The following ACP1 variants were observed in gnomAD, a reference collection of about 807,000 sequenced individuals.
ACP1 encodes the protein low molecular weight phosphotyrosine protein phosphatase.
A neutral mutation model predicts 23.4 loss-of-function variants in ACP1; 23 were observed. The observed-to-expected ratio is 0.98, with a 90% CI of 0.71 to 1.39. The LOEUF is 1.39. ACP1 is among the 40% of genes most tolerant of loss of function. The pLI is 0.00. For missense variants in ACP1, 180 were observed against 197.7 expected (o/e 0.91, Z 0.54); for synonymous variants, 72 against 67.2 (o/e 1.07, Z -0.35).
At chr2:277,126 A>G in intron 5 of ACP1, 41 bp downstream of exon 5, 4 of 1,567,774 alleles carry the variant, frequency 2.6e-6, no homozygotes, top group African/African-American at 1.3e-5. Flanking sequence ...TGAAGACCCA[A>G]CACATTTGTA....
chr2:277,045 A>G lies in ACP1; in HGVS notation c.359A>G (p.Tyr120Cys), dbSNP rs777249631. Reference protein sequence around the residue: ...CKAKIELLGSYDPQKQLIIED... With the variant: ...CKAKIELLGSCDPQKQLIIED... The stretch of plus-strand genomic sequence containing the variant: ...GCTAAAATTGAACTACTTGGGAGCT[A>G]TGATCCACAAAAACAACTTATTATT... The change falls in exon 5 of 6, where the codon TAT becomes TGT. Residue 120 changes from tyrosine (Y) to cysteine (C), a missense_variant. Physicochemically the swap from Tyr to Cys is radical, Grantham distance 194 (BLOSUM62 -2). Coordinates refer to ENST00000272065, the MANE Select transcript of ACP1 (RefSeq NM_004300.4). 1.1e-5 allele frequency: 17 copies of G among 1,613,386 alleles called. No individual in the cohort carries two copies. Among genetic ancestry groups the G allele is most frequent in the South Asian group, 2.2e-5 (2 of 91,000 alleles).
At chr2:269,918 G>A (rs914442619) in intron 1 of ACP1, among the ~76,000 whole-genome samples, 3 of 152,162 alleles carry the variant, frequency 2.0e-5, no homozygotes, top group Non-Finnish European at 2.9e-5. Context: ...CATCAAAACC[G>A]TTTCCCTGGG....
At chr2:265,876 G>A (rs1196611043) in intron 1 of ACP1, among the ~76,000 whole-genome samples, 1 of 152,170 alleles carries the variant, frequency 6.6e-6, no homozygotes, top group Non-Finnish European at 1.5e-5. Context: ...ACCTTTCGTT[G>A]TTCGGTAGCA....
chr2:272,142 GC>G lies in ACP1; in HGVS notation c.226del (p.Arg76GlyfsTer22). ...KRHGIPMSHV[A>X]RQITKEDFAT... The stretch of plus-strand genomic sequence containing the variant: ...GCACGGCATTCCCATGAGCCACGTT[GC>G]CCGGCAGGTACCGTCCTTGGACTTG... On this transcript the variant is annotated frameshift_variant, in exon 3 of 6. Coordinates refer to ENST00000272065, the MANE Select transcript of ACP1 (RefSeq NM_004300.4). LOFTEE classifies it high-confidence loss of function. 2 of 1,614,214 alleles carry G rather than the reference GC, an allele frequency of 1.2e-6. No individual in the cohort carries two copies.
At chr2:269,241 A>G in intron 1 of ACP1, 1 of 449,504 alleles carries the variant, frequency 2.2e-6, no homozygotes, top group South Asian at 1.7e-5. Flanking sequence ...TTCACAACAC[A>G]AATTAGCATA....
At chr2:276,955 C>G in intron 4 of ACP1, 25 bp from the exon 5 acceptor site, 2 of 1,455,084 alleles carry the variant, frequency 1.4e-6, no homozygotes, top group South Asian at 1.2e-5. Context: ...GATCAGAAAA[C>G]TAAGTTCATA....
At chr2:272,472 C>T in intron 3 of ACP1, 1 of 1,434,626 alleles carries the variant, frequency 7.0e-7, no homozygotes, top group Non-Finnish European at 9.1e-7. Flanking sequence ...TGTTGAAAGA[C>T]TTGCCTGACT....
At chr2:269,982 G>A (rs1320007895) in intron 1 of ACP1, among the ~76,000 whole-genome samples, 1 of 152,168 alleles carries the variant, frequency 6.6e-6, no homozygotes, top group East Asian at 1.9e-4. Context: ...TGTTACAGGA[G>A]TATCTTCCAT....
intron 1 of ACP1, among the ~76,000 whole-genome samples, chr2:271,183 G>C (rs1670018728): frequency 6.6e-6 from 1 of 151,890 alleles, no homozygotes. Flanking sequence ...GTATTGTTTT[G>C]TGAAACAGTA....
chr2:267,657 AC>A (rs1408005296), intron 1 of ACP1, among the ~76,000 whole-genome samples: 1 of 152,222 alleles, frequency 6.6e-6, no homozygotes, highest in Admixed American at 6.5e-5. Context: ...CCTCATCTAT[AC>A]CTGAAAATTT....
At chr2:272,260 C>T (rs781746234) in intron 3 of ACP1, 110 bp downstream of exon 3, 9 of 1,614,040 alleles carry the variant, frequency 5.6e-6, no homozygotes, top group Non-Finnish European at 6.8e-6. Flanking sequence ...GAGCTGTGAG[C>T]TGCCTAAGAA....
rs1241493254 is a variant in ACP1, at chr2:277,488, T to C, written c.*184T>C. 17 of 615,360 alleles carry C rather than the reference T, an allele frequency of 2.8e-5. No individual in the cohort carries two copies. The highest frequency in any genetic ancestry group is 4.7e-5 in the Non-Finnish European group (16 of 344,060). The allele number at this position is 615,360 out of a possible 1,614,324, so 38.1% of individuals were successfully genotyped here. ...CAGTTGTGTTTGGCAGGAGAATCAA[T>C]AAAAATCTTTGATTCAGACAGCTTA... On this transcript the variant is annotated 3_prime_UTR_variant, in exon 6 of 6. Coordinates refer to ENST00000272065, the MANE Select transcript of ACP1 (RefSeq NM_004300.4).
At position 277,281 on chromosome 2, in the gene ACP1, G is replaced by T; in HGVS notation, c.454G>T (p.Ala152Ser). ...VYQQCVRCCR[A>S]FLEKAH is the part of the protein sequence containing the mutation. Reference sequence around the variant, plus strand: ...CCAGCAGTGTGTCAGGTGCTGCAGAGCGTTCTTGGAGAAGGCCCACTGAGG... The same window carrying T: ...CCAGCAGTGTGTCAGGTGCTGCAGATCGTTCTTGGAGAAGGCCCACTGAGG... Residue 152 changes from alanine to serine, a missense_variant, in exon 6 of 6, where the codon GCG becomes TCG. Coordinates refer to ENST00000272065, the MANE Select transcript of ACP1 (RefSeq NM_004300.4). 1.2e-6 allele frequency: 2 copies of T among 1,613,050 alleles called. No individual in the cohort carries two copies. Among genetic ancestry groups the T allele is most frequent in the South Asian group, 2.2e-5 (2 of 91,032 alleles).
chr2:272,659 G>A (rs1476829112), intron 3 of ACP1: 1 of 404,696 alleles, frequency 2.5e-6, no homozygotes, highest in Non-Finnish European at 4.2e-6. Flanking sequence ...CTAGAATGAG[G>A]TTATATAATA....
intron 1 of ACP1, among the ~76,000 whole-genome samples, chr2:268,789 G>A (rs529632145): frequency 5.9e-5 from 9 of 152,316 alleles, no homozygotes; most frequent in African/African-American, 1.2e-4. Flanking sequence ...TTTGATAGGC[G>A]AAACCTGAAG....
At position 272,543 on chromosome 2, in the gene ACP1, CTG is replaced by C. The variant is rs1487184996; in HGVS notation, c.231+396_231+397del. The C allele has an allele frequency of 7.7e-6, 10 of 1,305,070 alleles. No homozygotes were observed. The South Asian group carries it at 1.3e-4, about 17-fold the overall frequency. 80.8% of individuals were successfully genotyped at this position (1,305,070 alleles called of 1,614,324 possible). On this transcript the variant is annotated intron_variant, in intron 3 of 5. Coordinates refer to ENST00000272065, the MANE Select transcript of ACP1 (RefSeq NM_004300.4). ...GGTAATTTATAATGAGAGAGCCTGA[CTG>C]TGAGCTGGGGCTGAGCGGTGCTCTG...
intron 1 of ACP1, 148 bp from the exon 2 acceptor site, chr2:271,718 G>A: frequency 1.4e-6 from 1 of 705,520 alleles, no homozygotes; most frequent in East Asian, 2.5e-5. Context: ...CTCACTGGTT[G>A]GACAAAGGCG....
At chr2:276,041 A>G (rs971719442) in intron 4 of ACP1, among the ~76,000 whole-genome samples, 1 of 152,150 alleles carries the variant, frequency 6.6e-6, no homozygotes, top group Non-Finnish European at 1.5e-5. Flanking sequence ...GCCCATAGGC[A>G]TCGTAAAAAC....
At chr2:276,148 G>C (rs537103651) in intron 4 of ACP1, among the ~76,000 whole-genome samples, 1 of 152,088 alleles carries the variant, frequency 6.6e-6, no homozygotes, top group Non-Finnish European at 1.5e-5. Context: ...ACATTTGCAC[G>C]TGCTGTTCCT....
Sources: allele counts gnomAD v4.1 joint callset (sites outside exome capture counted in the v4.1 genomes callset), GRCh38; gene constraint gnomAD v4.1.1; transcripts MANE v1.5; gene names NCBI Gene and HGNC (gene_info 2026-07-23, HGNC 2026-07-21).